The following SIK3 variants were observed in gnomAD, a reference collection of about 807,000 sequenced individuals.
SIK3 encodes serine/threonine-protein kinase SIK3.
SIK3 carries 28 observed loss-of-function variants against 144.2 expected under a neutral mutation model. The ratio of observed to expected loss-of-function variants is 0.19; its 90% CI spans 0.14 to 0.27. The LOEUF (loss-of-function observed/expected upper bound fraction) is 0.27, where lower values mean the gene tolerates loss of function less well. Among genes scored for constraint, SIK3 ranks in the 10% least tolerant of loss-of-function variants. SIK3 has a pLI of 1.00. For missense variants in SIK3, 1,319 were observed against 1,776.0 expected (o/e 0.74, Z 4.62); for synonymous variants, 686 against 676.3 (o/e 1.01, Z -0.22).
At chr11:117,063,268 G>C (rs1043749598) in intron 1 of SIK3, among the ~76,000 whole-genome samples, 1 of 152,176 alleles carries the variant, frequency 6.6e-6, no homozygotes, top group Non-Finnish European at 1.5e-5. Context: ...CCACGTCTCA[G>C]AAGCTATGAC....
In SIK3 at chr11:116,847,458, A is replaced by G. The variant is rs1223525163; in HGVS notation, c.3952+18T>C. 1.2e-6 allele frequency: 2 copies of G among 1,614,070 alleles called. No homozygotes were observed. Among genetic ancestry groups the G allele is most frequent in the Admixed American group, 3.3e-5 (2 of 60,018 alleles). On this transcript the variant is annotated intron_variant, in intron 23 of 24. Transcript: ENST00000445177. ...TCCAGGAACTTCTCTGGAGTGCCCC[A>G]TGCATAAGGCTCCTCACCCTCATTT...
intron 1 of SIK3, among the ~76,000 whole-genome samples, chr11:116,992,004 T>C (rs1177538686): frequency 6.6e-6 from 1 of 152,140 alleles, no homozygotes; most frequent in African/African-American, 2.4e-5. Flanking sequence ...GTAAATCTTG[T>C]CTTTCTACGT....
At chr11:116,869,832 T>A (rs535916709) in intron 14 of SIK3, 50 of 288,924 alleles carry the variant, frequency 1.7e-4, no homozygotes, top group Non-Finnish European at 3.1e-4. Flanking sequence ...CATATTCTCT[T>A]TTTCAATATC....
chr11:117,016,752 C>T (rs552561756), intron 1 of SIK3, among the ~76,000 whole-genome samples: 5 of 152,132 alleles, frequency 3.3e-5, no homozygotes, highest in South Asian at 2.1e-4. Flanking sequence ...GACATCATGG[C>T]GTATACCTTG....
At chr11:117,032,783 C>T (rs1241256451) in intron 1 of SIK3, among the ~76,000 whole-genome samples, 1 of 151,358 alleles carries the variant, frequency 6.6e-6, no homozygotes, top group Non-Finnish European at 1.5e-5. Flanking sequence ...ATGAATATAC[C>T]ACCATTTATT....
At chr11:117,083,917 C>T (rs1430144202) in intron 1 of SIK3, among the ~76,000 whole-genome samples, 1 of 152,150 alleles carries the variant, frequency 6.6e-6, no homozygotes, top group Admixed American at 6.5e-5. Flanking sequence ...GTTTCTTCAC[C>T]AAGTTTTTAA....
intron 1 of SIK3, among the ~76,000 whole-genome samples, chr11:116,971,258 C>CA (rs1949755697): frequency 6.6e-6 from 1 of 152,116 alleles, no homozygotes; most frequent in African/African-American, 2.4e-5. Context: ...GTGAAACGGG[C>CA]AACAAGTAGG....
intron 1 of SIK3, among the ~76,000 whole-genome samples, chr11:117,073,443 G>C (rs80157388): frequency 6.6e-6 from 1 of 152,298 alleles, no homozygotes; most frequent in African/African-American, 2.4e-5. Context: ...GAGCCCTGGA[G>C]TCATATAGAC....
At chr11:116,848,916 T>A (rs948181075) in intron 22 of SIK3, among the ~76,000 whole-genome samples, 1 of 152,054 alleles carries the variant, frequency 6.6e-6, no homozygotes, top group African/African-American at 2.4e-5. Flanking sequence ...TGAGCTGATA[T>A]CGCGCCACTG....
intron 1 of SIK3, among the ~76,000 whole-genome samples, chr11:117,001,801 A>G (rs1216395952): frequency 6.6e-6 from 1 of 152,226 alleles, no homozygotes; most frequent in Admixed American, 6.5e-5. Context: ...TCTTCTAACA[A>G]TTAATGAGTC....
chr11:116,883,621 T>C (rs1944659830), intron 6 of SIK3, among the ~76,000 whole-genome samples: 1 of 152,098 alleles, frequency 6.6e-6, no homozygotes, highest in South Asian at 2.1e-4. Flanking sequence ...TGTAAACAAA[T>C]AGACAAATGG....
At chr11:116,893,063 G>A (rs1456264792) in intron 6 of SIK3, among the ~76,000 whole-genome samples, 1 of 152,184 alleles carries the variant, frequency 6.6e-6, no homozygotes, top group African/African-American at 2.4e-5. Flanking sequence ...AGGGAGAAAT[G>A]GATAAACAGG....
At chr11:116,996,833 A>ATC (rs1950686989) in intron 1 of SIK3, among the ~76,000 whole-genome samples, 2 of 149,628 alleles carry the variant, frequency 1.3e-5, no homozygotes, top group Admixed American at 6.6e-5. Flanking sequence ...AAAAAAAAAA[A>ATC]AAAAAAAAAA....
chr11:117,000,785 TGCCAGCATC>T (rs1950822064), intron 1 of SIK3, among the ~76,000 whole-genome samples: 4 of 152,368 alleles, frequency 2.6e-5, no homozygotes, highest in African/African-American at 7.2e-5. Context: ...TGCTTCCTGA[TGCCAGCATC>T]GCTGGAAGGG....
intron 1 of SIK3, among the ~76,000 whole-genome samples, chr11:116,993,569 G>C (rs896975408): frequency 6.6e-6 from 1 of 152,026 alleles, no homozygotes; most frequent in Non-Finnish European, 1.5e-5. Flanking sequence ...AAAAAGTATA[G>C]AGGAGCAGAT....
intron 1 of SIK3, among the ~76,000 whole-genome samples, chr11:117,084,806 A>G (rs958296220): frequency 6.6e-5 from 10 of 152,256 alleles, no homozygotes; most frequent in Middle Eastern, 3.4e-3. Context: ...ATCAAGAGGG[A>G]TGCTGTACTA....
chr11:116,904,730 A>G (rs1020412337), intron 4 of SIK3: 10 of 151,986 alleles, frequency 6.6e-5, no homozygotes, highest in Non-Finnish European at 1.2e-4. Flanking sequence ...TTTTCTTTTT[A>G]ATTTTTAAAT....
intron 1 of SIK3, among the ~76,000 whole-genome samples, chr11:117,011,197 T>A (rs1289186454): frequency 1.3e-5 from 2 of 151,948 alleles, no homozygotes; most frequent in Non-Finnish European, 2.9e-5. Flanking sequence ...AGAGATGAAA[T>A]CTGCAATCTC....
At chr11:116,917,694 A>G (rs930109926) in intron 4 of SIK3, among the ~76,000 whole-genome samples, 8 of 151,072 alleles carry the variant, frequency 5.3e-5, no homozygotes, top group Admixed American at 3.3e-4. Flanking sequence ...GAGCGACAGG[A>G]AGGGAGGGAG....
Sources: allele counts gnomAD v4.1 joint callset (sites outside exome capture counted in the v4.1 genomes callset), GRCh38; gene constraint gnomAD v4.1.1; transcripts MANE v1.5; gene names NCBI Gene and HGNC (gene_info 2026-07-23, HGNC 2026-07-21).